ADGRB3: variants seen among roughly 807,000 people sequenced by gnomAD.
ADGRB3 encodes the protein brain-specific angiogenesis inhibitor 3.
ADGRB3 carries 37 observed loss-of-function variants against 193.4 expected under a neutral mutation model. The ratio of observed to expected loss-of-function variants is 0.19; its 90% CI spans 0.15 to 0.25. The LOEUF is 0.25. Ranked by LOEUF, ADGRB3 falls within the 10% of genes least tolerant of loss-of-function variation. ADGRB3 has a pLI of 1.00. For missense variants in ADGRB3, 1,637 were observed against 1,852.9 expected, an observed-to-expected ratio of 0.88 and a Z score of 2.14; for synonymous variants, 690 against 644.2, an observed-to-expected ratio of 1.07 and a Z score of -1.08.
At chr6:68,968,153 C>A (rs1768438489) in intron 8 of ADGRB3, among the ~76,000 whole-genome samples, 1 of 152,068 alleles carries the variant, frequency 6.6e-6, no homozygotes, top group African/African-American at 2.4e-5. Flanking sequence ...TGACTTATTT[C>A]ACATATTTAC....
intron 17 of ADGRB3, among the ~76,000 whole-genome samples, chr6:69,193,633 C>G (rs1765242213): frequency 6.6e-6 from 1 of 152,044 alleles, no homozygotes; most frequent in Admixed American, 6.6e-5. Context: ...GTAAAAAGAA[C>G]ACTGAGTTAG....
chr6:69,347,484 G>T (rs80177907), intron 26 of ADGRB3, among the ~76,000 whole-genome samples: 1 of 152,054 alleles, frequency 6.6e-6, no homozygotes, highest in African/African-American at 2.4e-5. Context: ...TAATAAAATA[G>T]GATGTGGGGC....
rs532063470 is a variant in ADGRB3, at chr6:68,700,820, G to A, written c.757+61388G>A. The stretch of plus-strand genomic sequence containing the variant: ...GGAACATCACACACCGGGGCCTGTC[G>A]TAGGGTGGGGGGAGGGGGGAGGGAT... On this transcript the variant is annotated intron_variant, in intron 3 of 31. Coordinates refer to ENST00000370598, the MANE Select transcript of ADGRB3 (RefSeq NM_001704.3). Among the ~76,000 whole-genome samples the A allele has an allele frequency of 1.6e-4, 19 of 118,704 alleles. No homozygotes were observed. The South Asian group carries it at 4.3e-3, about 27-fold the overall frequency. 77.9% of individuals were successfully genotyped at this position (118,704 alleles called of 152,430 possible). A position where few individuals can be genotyped will look rare whatever the true frequency, so the allele number is the denominator to read the frequency against.
At chr6:68,941,044 A>G (rs1054856758) in intron 5 of ADGRB3, among the ~76,000 whole-genome samples, 7 of 152,166 alleles carry the variant, frequency 4.6e-5, no homozygotes, top group African/African-American at 1.7e-4. Context: ...ACAAAAAGAC[A>G]TATAATAATA....
At chr6:69,101,972 G>A (rs1773069887) in intron 17 of ADGRB3, among the ~76,000 whole-genome samples, 1 of 151,840 alleles carries the variant, frequency 6.6e-6, no homozygotes, top group African/African-American at 2.4e-5. Context: ...GGCGGATCAC[G>A]AGGTCAGGAG....
intron 10 of ADGRB3, among the ~76,000 whole-genome samples, chr6:68,992,549 A>G (rs956390789): frequency 6.6e-6 from 1 of 152,188 alleles, no homozygotes; most frequent in Non-Finnish European, 1.5e-5. Flanking sequence ...GTTTTAGTCC[A>G]TGGTTGATGG....
intron 20 of ADGRB3, among the ~76,000 whole-genome samples, chr6:69,281,866 G>C (rs1200673296): frequency 6.6e-6 from 1 of 152,110 alleles, no homozygotes; most frequent in Non-Finnish European, 1.5e-5. Flanking sequence ...TCATAACACT[G>C]GAGGGAAAAG....
intron 15 of ADGRB3, among the ~76,000 whole-genome samples, chr6:69,056,568 T>C (rs1275310681): frequency 1.3e-5 from 2 of 152,208 alleles, no homozygotes; most frequent in Admixed American, 1.3e-4. Context: ...TGAATGTATT[T>C]CTCTATGTTT....
At chr6:68,800,742 T>G (rs74463574) in intron 3 of ADGRB3, among the ~76,000 whole-genome samples, 3,507 of 151,994 alleles carry the variant, frequency 0.023, 68 homozygotes, top group South Asian at 0.076. Flanking sequence ...ATTCTGCCTC[T>G]GAATGAACTA....
At chr6:69,261,327 A>G (rs1042759790) in intron 20 of ADGRB3, among the ~76,000 whole-genome samples, 1 of 152,266 alleles carries the variant, frequency 6.6e-6, no homozygotes, top group African/African-American at 2.4e-5. Context: ...AGGTTTTATA[A>G]GCAGAATGAA....
intron 3 of ADGRB3, among the ~76,000 whole-genome samples, chr6:68,696,429 T>TA (rs1010411924): frequency 1.0e-3 from 155 of 147,650 alleles, no homozygotes; most frequent in Middle Eastern, 0.01. Context: ...TTCTAAAAAT[T>TA]AAAAAAAAAA....
chr6:68,775,763 A>G (rs1766734508), intron 3 of ADGRB3, among the ~76,000 whole-genome samples: 1 of 152,140 alleles, frequency 6.6e-6, no homozygotes, highest in African/African-American at 2.4e-5. Context: ...TGACCTAGCC[A>G]TGAGAAATTT....
At chr6:69,319,332 C>T (rs1768391914) in intron 20 of ADGRB3, among the ~76,000 whole-genome samples, 1 of 151,034 alleles carries the variant, frequency 6.6e-6, no homozygotes, top group Non-Finnish European at 1.5e-5. Flanking sequence ...GTGAAAATGT[C>T]CTGTGTATTA....
At position 68,801,367 on chromosome 6, in the gene ADGRB3, A is replaced by G. The variant is rs578219426; in HGVS notation, c.758-129192A>G. On this transcript the variant is annotated intron_variant, in intron 3 of 31. Coordinates refer to ENST00000370598, the MANE Select transcript of ADGRB3 (RefSeq NM_001704.3). ...AGAGAGTCTCTATCCTGTCCTTTCC[A>G]TTTTTTAGTTCCCCAACACTTCTTA... is the stretch of plus-strand genomic sequence containing the variant. 3.3e-5 allele frequency among the ~76,000 whole-genome samples: 5 copies of G among 152,188 alleles called. 1 individual carries two copies. Among genetic ancestry groups the G allele is most frequent in the African/African-American group, 1.2e-4 (5 of 41,532 alleles).
intron 11 of ADGRB3, among the ~76,000 whole-genome samples, chr6:69,004,605 A>T (rs570092676): frequency 4.4e-4 from 50 of 114,824 alleles, no homozygotes; most frequent in South Asian, 2.1e-3. Flanking sequence ...GATGTTCCCC[A>T]CCCTGTGTCC....
intron 26 of ADGRB3, among the ~76,000 whole-genome samples, chr6:69,347,190 C>G (rs1769114022): frequency 6.6e-6 from 1 of 152,066 alleles, no homozygotes; most frequent in Non-Finnish European, 1.5e-5. Context: ...GGGAGCATCA[C>G]ACACCAGGGC....
At chr6:69,322,494 G>T (rs1768480735) in intron 20 of ADGRB3, among the ~76,000 whole-genome samples, 1 of 151,692 alleles carries the variant, frequency 6.6e-6, no homozygotes, top group Non-Finnish European at 1.5e-5. Flanking sequence ...TCCTTTTTCT[G>T]CACAACCTCA....
At chr6:69,218,144 T>A (rs1473544782) in intron 17 of ADGRB3, among the ~76,000 whole-genome samples, 4 of 151,544 alleles carry the variant, frequency 2.6e-5, no homozygotes, top group Admixed American at 6.6e-5. Flanking sequence ...AAAAAAGAAG[T>A]TGTTCTTATA....
chr6:69,057,566 G>T (rs1184357281), intron 15 of ADGRB3, among the ~76,000 whole-genome samples: 2 of 151,840 alleles, frequency 1.3e-5, no homozygotes, highest in Non-Finnish European at 2.9e-5. Flanking sequence ...TTAGATGTGG[G>T]TTTTGCATAT....
Sources: allele counts gnomAD v4.1 joint callset (sites outside exome capture counted in the v4.1 genomes callset), GRCh38; gene constraint gnomAD v4.1.1; transcripts MANE v1.5; gene names NCBI Gene and HGNC (gene_info 2026-07-23, HGNC 2026-07-21).